The following KCNIP4 variants were observed in gnomAD, a reference collection of about 807,000 sequenced individuals.
The protein encoded by KCNIP4 is potassium voltage-gated channel interacting protein 4, also known as Kv channel-interacting protein 4.
In KCNIP4, 12 loss-of-function variants were observed where a neutral mutation model predicts 34.0. The ratio of observed to expected loss-of-function variants is 0.35; its 90% CI spans 0.23 to 0.57. KCNIP4 has a LOEUF of 0.57. Ranked by LOEUF, KCNIP4 falls within the 20% of genes least tolerant of loss-of-function variation. The pLI, the probability that KCNIP4 is intolerant of heterozygous loss-of-function variation, is 0.83. For missense variants in KCNIP4, 238 were observed against 311.7 expected (o/e 0.76, Z 1.78); for synonymous variants, 124 against 102.2 (o/e 1.21, Z -1.29).
intron 1 of KCNIP4, among the ~76,000 whole-genome samples, chr4:21,422,825 T>G (rs1038656131): frequency 2.0e-5 from 3 of 152,112 alleles, no homozygotes; most frequent in Non-Finnish European, 4.4e-5. Flanking sequence ...GAAGCCTTAC[T>G]TAGAGAACTA....
intron 1 of KCNIP4, among the ~76,000 whole-genome samples, chr4:21,249,732 A>G (rs1760549187): frequency 6.6e-6 from 1 of 152,098 alleles, no homozygotes; most frequent in Non-Finnish European, 1.5e-5. Context: ...ATGCACCAGT[A>G]TTTTCATTTA....
chr4:21,079,156 C>G (rs1260795760), intron 1 of KCNIP4, among the ~76,000 whole-genome samples: 1 of 152,028 alleles, frequency 6.6e-6, no homozygotes, highest in South Asian at 2.1e-4. Context: ...GAAAGGTATC[C>G]TTTATAGAAA....
At chr4:21,584,549 A>C (rs570505082) in intron 1 of KCNIP4, among the ~76,000 whole-genome samples, 1 of 152,214 alleles carries the variant, frequency 6.6e-6, no homozygotes, top group Admixed American at 6.6e-5. Flanking sequence ...TGGCCAAATT[A>C]ATTTAAAATA....
chr4:21,321,229 G>A (rs368294184), intron 1 of KCNIP4, among the ~76,000 whole-genome samples: 24 of 152,122 alleles, frequency 1.6e-4, no homozygotes, highest in African/African-American at 5.6e-4. Flanking sequence ...AGCCAGCAAG[G>A]TTTCAGCCTT....
chr4:21,265,873 G>A (rs1761773803), intron 1 of KCNIP4, among the ~76,000 whole-genome samples: 1 of 152,134 alleles, frequency 6.6e-6, no homozygotes, highest in African/African-American at 2.4e-5. Context: ...AAAGGGCTAA[G>A]GAACTTTGCA....
chr4:21,436,066 T>G (rs1726919682), intron 1 of KCNIP4, among the ~76,000 whole-genome samples: 1 of 152,194 alleles, frequency 6.6e-6, no homozygotes, highest in African/African-American at 2.4e-5. Flanking sequence ...AGGGAAGTCA[T>G]TTAGACGGCA....
intron 8 of KCNIP4, among the ~76,000 whole-genome samples, chr4:20,730,505 G>T (rs887638166): frequency 6.6e-6 from 1 of 152,162 alleles, no homozygotes; most frequent in African/African-American, 2.4e-5. Context: ...AAATCACACA[G>T]ACTTTTATAC....
chr4:21,549,577 C>T (rs777440275), intron 1 of KCNIP4, among the ~76,000 whole-genome samples: 5 of 151,978 alleles, frequency 3.3e-5, no homozygotes, highest in Non-Finnish European at 5.9e-5. Context: ...CCATGTCTCC[C>T]ATACAGCCTG....
intron 3 of KCNIP4, among the ~76,000 whole-genome samples, chr4:20,846,638 C>T (rs1307547417): frequency 6.6e-6 from 1 of 152,014 alleles, no homozygotes; most frequent in Non-Finnish European, 1.5e-5. Flanking sequence ...AGACCTCTTA[C>T]CTCTCTCCAA....
At chr4:21,078,333 A>G (rs1313406578) in intron 1 of KCNIP4, among the ~76,000 whole-genome samples, 1 of 152,000 alleles carries the variant, frequency 6.6e-6, no homozygotes, top group Non-Finnish European at 1.5e-5. Context: ...GAGTGGTGTA[A>G]ACAGTGGAAA....
intron 1 of KCNIP4, among the ~76,000 whole-genome samples, chr4:21,731,906 G>A (rs1488201960): frequency 6.6e-6 from 1 of 152,080 alleles, no homozygotes; most frequent in Non-Finnish European, 1.5e-5. Context: ...GACAACTTGA[G>A]AGAAAGGGCA....
intron 3 of KCNIP4, among the ~76,000 whole-genome samples, chr4:20,781,556 C>A (rs1406111499): frequency 6.6e-6 from 1 of 152,066 alleles, no homozygotes; most frequent in African/African-American, 2.4e-5. Context: ...TACATGGTGG[C>A]AGCAAGAGAA....
intron 3 of KCNIP4, among the ~76,000 whole-genome samples, chr4:20,818,097 T>C (rs555433736): frequency 6.6e-6 from 1 of 152,336 alleles, no homozygotes; most frequent in African/African-American, 2.4e-5. Context: ...CTGTTCAAGA[T>C]ATATGATGAG....
At chr4:21,086,474 G>A (rs933037403) in intron 1 of KCNIP4, among the ~76,000 whole-genome samples, 2 of 152,134 alleles carry the variant, frequency 1.3e-5, no homozygotes, top group African/African-American at 4.8e-5. Context: ...CAACAGTAAA[G>A]CTGTAATACA....
At chr4:21,224,683 T>C (rs959963759) in intron 1 of KCNIP4, among the ~76,000 whole-genome samples, 3 of 141,448 alleles carry the variant, frequency 2.1e-5, no homozygotes, top group Admixed American at 7.6e-5. Context: ...ACCTCCTGGG[T>C]TCAAGCAATT....
intron 1 of KCNIP4, among the ~76,000 whole-genome samples, chr4:21,181,910 G>A (rs1032737104): frequency 6.6e-6 from 1 of 152,068 alleles, no homozygotes; most frequent in Non-Finnish European, 1.5e-5. Flanking sequence ...GTGCCCTTGG[G>A]TCAAACATTT....
chr4:21,205,499 G>A (rs966845895), intron 1 of KCNIP4, among the ~76,000 whole-genome samples: 21 of 152,132 alleles, frequency 1.4e-4, no homozygotes, highest in Admixed American at 4.6e-4. Context: ...GACTAGACCC[G>A]TTCTCCAGAT....
At chr4:21,946,051 G>A (rs2874978) in intron 1 of KCNIP4, among the ~76,000 whole-genome samples, 68,034 of 147,406 alleles carry the variant, frequency 0.46, 17,865 homozygotes, top group East Asian at 0.67. Context: ...AGTACGGAAC[G>A]AACTTTTTAA....
At position 20,729,073 on chromosome 4, in the gene KCNIP4, C is replaced by CTGT. The variant is rs1560388503; in HGVS notation, c.*1006_*1008dup. 1 of 148,824 alleles carries CTGT rather than the reference C, an allele frequency of 6.7e-6. No homozygotes were observed. Among genetic ancestry groups the CTGT allele is most frequent in the African/African-American group, 2.5e-5 (1 of 39,886 alleles). 9.2% of individuals were successfully genotyped at this position (148,824 alleles called of 1,614,324 possible). ...GAATTTTGCTTGCTAATTTTGCTTG[C>CTGT]TGTTTGTTCTTAGTAGACAGTGGGG... On this transcript the variant is annotated 3_prime_UTR_variant, in exon 9 of 9. Coordinates refer to ENST00000382152, the MANE Select transcript of KCNIP4 (RefSeq NM_025221.6).
Sources: gnomAD v4.1 joint callset for allele counts (sites outside exome capture counted in the v4.1 genomes callset) on GRCh38, gnomAD v4.1.1 for gene constraint, MANE v1.5 for transcripts, NCBI Gene and HGNC (gene_info 2026-07-23, HGNC 2026-07-21) for gene names.